PDGFRL: variants seen among roughly 807,000 people sequenced by gnomAD.
PDGFRL encodes the protein platelet derived growth factor receptor like, also known as platelet-derived growth factor receptor-like protein.
In PDGFRL, 46 loss-of-function variants were observed where a neutral mutation model predicts 37.2. That is an observed-to-expected ratio of 1.24 (90% CI 0.98 to 1.58). The LOEUF (loss-of-function observed/expected upper bound fraction) is 1.58, where lower values mean the gene tolerates loss of function less well. PDGFRL is among the 40% of genes most tolerant of loss of function. The pLI, the probability that PDGFRL is intolerant of heterozygous loss-of-function variation, is 0.00. For synonymous variants in PDGFRL, 251 were observed against 184.3 expected (o/e 1.36, Z -2.93); for missense variants, 692 against 467.6 (o/e 1.48, Z -4.43).
chr8:17,587,650 G>A (rs944890245), intron 1 of PDGFRL, among the ~76,000 whole-genome samples: 4 of 151,844 alleles, frequency 2.6e-5, no homozygotes, highest in South Asian at 2.1e-4. Context: ...CTCAAGTCTC[G>A]GTCTCAGTCT....
rs113449108 is a variant in PDGFRL at position 17,614,893 on chromosome 8, A to G, written c.354-6158A>G. The stretch of plus-strand genomic sequence containing the variant: ...CTTCAAATTCTTCTCTGGCAGCTCC[A>G]ACACTTCCTGTGTAGCCTTGGGAAA... On this transcript the variant is annotated intron_variant, in intron 2 of 5. Transcript: ENST00000251630. Among the ~76,000 whole-genome samples, 1,257 of 152,312 alleles carry G rather than the reference A, an allele frequency of 8.3e-3. 29 individuals are homozygous for G. The highest frequency in any genetic ancestry group is 0.028 in the African/African-American group (1,177 of 41,580).
At chr8:17,629,336 C>A (rs1013320170) in intron 4 of PDGFRL, among the ~76,000 whole-genome samples, 6 of 151,908 alleles carry the variant, frequency 3.9e-5, no homozygotes, top group East Asian at 1.9e-4. Context: ...TCCATTCCAG[C>A]CAAATCCTTC....
chr8:17,628,822 G>C (rs1046145750), intron 4 of PDGFRL, 42 bp downstream of exon 4: 1 of 1,455,074 alleles, frequency 6.9e-7, no homozygotes, highest in Non-Finnish European at 9.6e-7. Context: ...TTAGTCCCCT[G>C]GTCAGTTTCA....
intron 2 of PDGFRL, among the ~76,000 whole-genome samples, chr8:17,605,558 G>A (rs1440289990): frequency 1.3e-5 from 2 of 152,156 alleles, no homozygotes; most frequent in Admixed American, 6.5e-5. Flanking sequence ...ACCGCGCTGA[G>A]CCAGGGAAGA....
chr8:17,641,225 C>G (rs1805085560), intron 5 of PDGFRL, among the ~76,000 whole-genome samples: 1 of 152,200 alleles, frequency 6.6e-6, no homozygotes, highest in Non-Finnish European at 1.5e-5. Context: ...ACAGGGTTTT[C>G]AGATTTCACA....
chr8:17,601,217 C>G (rs1160757874), intron 2 of PDGFRL, among the ~76,000 whole-genome samples: 1 of 152,226 alleles, frequency 6.6e-6, no homozygotes, highest in East Asian at 1.9e-4. Context: ...ACTGTAGTCT[C>G]TAACCTTAGA....
chr8:17,605,251 A>T (rs2517187), intron 2 of PDGFRL, among the ~76,000 whole-genome samples: 1 of 152,104 alleles, frequency 6.6e-6, no homozygotes, highest in Non-Finnish European at 1.5e-5. Flanking sequence ...AAGAAAGACA[A>T]TGTCTCTTCC....
chr8:17,627,203 C>T (rs554422261), intron 3 of PDGFRL, among the ~76,000 whole-genome samples: 3 of 152,196 alleles, frequency 2.0e-5, no homozygotes, highest in African/African-American at 7.2e-5. Context: ...GGTTTTACAA[C>T]TGCTAAGGGT....
chr8:17,610,162 T>G (rs910661592), intron 2 of PDGFRL, among the ~76,000 whole-genome samples: 9 of 152,214 alleles, frequency 5.9e-5, no homozygotes, highest in African/African-American at 2.2e-4. Context: ...CTTTGTCCTC[T>G]GTCCTCACTC....
At chr8:17,615,978 T>G (rs1282603120) in intron 2 of PDGFRL, among the ~76,000 whole-genome samples, 1 of 152,184 alleles carries the variant, frequency 6.6e-6, no homozygotes, top group Non-Finnish European at 1.5e-5. Context: ...TGAACTTGTT[T>G]ACGGAGCTTG....
chr8:17,630,365 T>C (rs1183252726), intron 4 of PDGFRL, among the ~76,000 whole-genome samples: 1 of 152,234 alleles, frequency 6.6e-6, no homozygotes, highest in Middle Eastern at 3.2e-3. Context: ...TGAAATACTT[T>C]TTTCCCTGGT....
intron 1 of PDGFRL, among the ~76,000 whole-genome samples, chr8:17,582,995 T>G (rs553224047): frequency 1.1e-4 from 16 of 152,186 alleles, no homozygotes; most frequent in Admixed American, 3.3e-4. Context: ...TGGTTCCAGA[T>G]GGGCGAATAA....
At chr8:17,637,150 G>C (rs1375093811) in intron 5 of PDGFRL, among the ~76,000 whole-genome samples, 1 of 152,172 alleles carries the variant, frequency 6.6e-6, no homozygotes, top group Non-Finnish European at 1.5e-5. Flanking sequence ...CCAGTACTAT[G>C]TTGAATGCAA....
chr8:17,576,614 C>A, upstream of PDGFRL: 1 of 533,816 alleles, frequency 1.9e-6, no homozygotes, highest in Non-Finnish European at 2.4e-6. Context: ...ACCAGAGGCC[C>A]GGGTTGTCTG....
chr8:17,599,092 C>G (rs559198442), intron 2 of PDGFRL, among the ~76,000 whole-genome samples: 8 of 152,302 alleles, frequency 5.3e-5, no homozygotes, highest in African/African-American at 1.9e-4. Flanking sequence ...CTCCCTTCTC[C>G]CTCTTTATCC....
chr8:17,621,590 G>A (rs976395707), intron 3 of PDGFRL, among the ~76,000 whole-genome samples: 1 of 152,074 alleles, frequency 6.6e-6, no homozygotes. Flanking sequence ...AAATTAAAAT[G>A]AAATAAAATT....
intron 2 of PDGFRL, among the ~76,000 whole-genome samples, chr8:17,595,429 C>G (rs2427710): frequency 6.6e-6 from 1 of 152,180 alleles, no homozygotes; most frequent in Non-Finnish European, 1.5e-5. Context: ...CATGCCCCAC[C>G]TAGGTAGCCG....
chr8:17,638,532 G>A (rs751418165), intron 5 of PDGFRL, among the ~76,000 whole-genome samples: 2 of 151,416 alleles, frequency 1.3e-5, no homozygotes, highest in Non-Finnish European at 2.9e-5. Flanking sequence ...TTGTTGGGTC[G>A]AATGTTCTAC....
At chr8:17,593,596 C>CAAAA (rs533160744) in intron 2 of PDGFRL, among the ~76,000 whole-genome samples, 1 of 125,012 alleles carries the variant, frequency 8.0e-6, no homozygotes, top group Non-Finnish European at 1.7e-5. Flanking sequence ...GAGACTGTTT[C>CAAAA]AAAAAAAAAA....
Sources: allele counts gnomAD v4.1 joint callset (sites outside exome capture counted in the v4.1 genomes callset), GRCh38; gene constraint gnomAD v4.1.1; transcripts MANE v1.5; gene names NCBI Gene and HGNC (gene_info 2026-07-23, HGNC 2026-07-21).